Variants in NELL1 observed in about 807,000 individuals in gnomAD.
NELL1 encodes protein kinase C-binding protein NELL1.
In NELL1, 76 loss-of-function variants were observed where a neutral mutation model predicts 107.4. That is an observed-to-expected ratio of 0.71 (90% CI 0.59 to 0.86). The LOEUF (loss-of-function observed/expected upper bound fraction) is 0.86. NELL1 is among the 40% of genes least tolerant of loss of function. NELL1 has a pLI of 0.00. For missense variants in NELL1, 1,024 were observed against 1,005.5 expected, an observed-to-expected ratio of 1.02 and a Z score of -0.25; for synonymous variants, 353 against 341.2, an observed-to-expected ratio of 1.03 and a Z score of -0.38.
At chr11:21,032,495 T>C (rs1420815043) in intron 12 of NELL1, among the ~76,000 whole-genome samples, 1 of 152,150 alleles carries the variant, frequency 6.6e-6, no homozygotes, top group African/African-American at 2.4e-5. Flanking sequence ...TTCAACTGAT[T>C]CTCTTGCCTC....
intron 15 of NELL1, among the ~76,000 whole-genome samples, chr11:21,422,496 A>T (rs1367957871): frequency 6.6e-6 from 1 of 152,188 alleles, no homozygotes; most frequent in Non-Finnish European, 1.5e-5. Flanking sequence ...TGAATTTAAC[A>T]AGAACAATTA....
chr11:20,682,615 T>C (rs1487573125), intron 2 of NELL1, among the ~76,000 whole-genome samples: 1 of 152,082 alleles, frequency 6.6e-6, no homozygotes, highest in African/African-American at 2.4e-5. Context: ...AAACTGTGTA[T>C]TCAAAATATA....
At chr11:20,863,954 G>A (rs1849044645) in intron 4 of NELL1, among the ~76,000 whole-genome samples, 1 of 152,112 alleles carries the variant, frequency 6.6e-6, no homozygotes, top group African/African-American at 2.4e-5. Context: ...AAAAAAATAC[G>A]AAAACCAGTC....
intron 14 of NELL1, among the ~76,000 whole-genome samples, chr11:21,346,011 T>C (rs1850676260): frequency 6.6e-6 from 1 of 152,176 alleles, no homozygotes; most frequent in Non-Finnish European, 1.5e-5. Context: ...TTTTGTGCCA[T>C]ATTAGTAAAA....
chr11:20,742,909 TTA>T (rs1439154954), intron 2 of NELL1, among the ~76,000 whole-genome samples: 1 of 152,158 alleles, frequency 6.6e-6, no homozygotes, highest in Non-Finnish European at 1.5e-5. Flanking sequence ...AGCTCTTCCT[TTA>T]TATTCTATTC....
intron 15 of NELL1, among the ~76,000 whole-genome samples, chr11:21,428,606 G>T (rs182874152): frequency 2.0e-5 from 3 of 151,998 alleles, no homozygotes; most frequent in Non-Finnish European, 2.9e-5. Context: ...CCTCAACAAG[G>T]TTTTCATTTT....
intron 5 of NELL1, among the ~76,000 whole-genome samples, chr11:20,895,781 C>T (rs1389659814): frequency 6.6e-6 from 1 of 152,124 alleles, no homozygotes; most frequent in Non-Finnish European, 1.5e-5. Context: ...GCTGGGATTA[C>T]AGGCCTGAGC....
chr11:21,522,284 A>AT (rs1212856841), intron 15 of NELL1, among the ~76,000 whole-genome samples: 1 of 152,086 alleles, frequency 6.6e-6, no homozygotes, highest in East Asian at 1.9e-4. Flanking sequence ...TTTAAGTACT[A>AT]TTCGCAATAA....
chr11:20,897,168 C>A (rs1012517407), intron 5 of NELL1, among the ~76,000 whole-genome samples: 3 of 152,164 alleles, frequency 2.0e-5, no homozygotes, highest in Non-Finnish European at 2.9e-5. Context: ...AACTATACTA[C>A]AAAGCTACAG....
At chr11:21,281,386 A>G (rs555147197) in intron 14 of NELL1, among the ~76,000 whole-genome samples, 7 of 152,196 alleles carry the variant, frequency 4.6e-5, no homozygotes, top group Admixed American at 2.0e-4. Context: ...TTCAATTGCA[A>G]TACAATAGAA....
At chr11:21,386,849 C>A (rs1413903898) in intron 15 of NELL1, among the ~76,000 whole-genome samples, 1 of 151,874 alleles carries the variant, frequency 6.6e-6, no homozygotes, top group African/African-American at 2.4e-5. Flanking sequence ...CTTCCCTAGT[C>A]TCTGAAAATT....
chr11:21,179,154 T>C (rs921832292), intron 13 of NELL1, among the ~76,000 whole-genome samples: 4 of 151,906 alleles, frequency 2.6e-5, no homozygotes, highest in Admixed American at 2.6e-4. Context: ...CATTATCAGA[T>C]AAACAGCTGA....
intron 1 of NELL1, among the ~76,000 whole-genome samples, chr11:20,677,653 G>A (rs533519628): frequency 6.6e-6 from 1 of 152,048 alleles, no homozygotes; most frequent in African/African-American, 2.4e-5. Flanking sequence ...CTAACACATG[G>A]CACCTTCTGA....
intron 15 of NELL1, among the ~76,000 whole-genome samples, chr11:21,414,425 C>T (rs1455547706): frequency 6.6e-6 from 1 of 151,924 alleles, no homozygotes; most frequent in Non-Finnish European, 1.5e-5. Context: ...ACATTATGAA[C>T]ATTTTGAGAA....
chr11:21,468,212 C>T (rs554944724), intron 15 of NELL1, among the ~76,000 whole-genome samples: 39 of 152,144 alleles, frequency 2.6e-4, no homozygotes, highest in African/African-American at 8.9e-4. Context: ...TGTTGAAAAA[C>T]TCAGCTGACA....
At chr11:21,069,743 G>A (rs1301870955) in intron 12 of NELL1, among the ~76,000 whole-genome samples, 1 of 152,116 alleles carries the variant, frequency 6.6e-6, no homozygotes, top group Non-Finnish European at 1.5e-5. Flanking sequence ...ATACTGTAGG[G>A]TGGGAATCAC....
At chr11:21,460,399 A>G (rs532198345) in intron 15 of NELL1, among the ~76,000 whole-genome samples, 1 of 152,148 alleles carries the variant, frequency 6.6e-6, no homozygotes, top group Non-Finnish European at 1.5e-5. Flanking sequence ...TTTTCTCAGC[A>G]CTCAAATTGC....
intron 2 of NELL1, among the ~76,000 whole-genome samples, chr11:20,755,557 T>TTA: frequency 5.7e-4 from 8 of 14,148 alleles, no homozygotes; most frequent in African/African-American, 1.0e-3. Flanking sequence ...TTTGTTTTTG[T>TTA]TTTTGTTTTT....
intron 14 of NELL1, among the ~76,000 whole-genome samples, chr11:21,358,385 G>A (rs1850987402): frequency 6.6e-6 from 1 of 151,396 alleles, no homozygotes; most frequent in South Asian, 2.1e-4. Context: ...TGGTATATTT[G>A]TAAGGTTTTT....
Sources: gnomAD v4.1 joint callset for allele counts (sites outside exome capture counted in the v4.1 genomes callset) on GRCh38, gnomAD v4.1.1 for gene constraint, MANE v1.5 for transcripts, NCBI Gene and HGNC (gene_info 2026-07-23, HGNC 2026-07-21) for gene names.